USP47: variants seen among roughly 807,000 people sequenced by gnomAD.
The protein encoded by USP47 is ubiquitin specific peptidase 47.
Under a neutral mutation model 165.1 loss-of-function variants are expected in USP47, and 35 were observed. That is an observed-to-expected ratio of 0.21 (90% CI 0.16 to 0.28). USP47 has a LOEUF of 0.28. Among genes scored for constraint, USP47 ranks in the 10% least tolerant of loss-of-function variants. The pLI is 1.00. For synonymous variants in USP47, 531 were observed against 544.5 expected, an observed-to-expected ratio of 0.98 and a Z score of 0.35; for missense variants, 1,277 against 1,607.4, an observed-to-expected ratio of 0.79 and a Z score of 3.52.
chr11:11,960,403 G>A lies in USP47; in HGVS notation c.*4228G>A, dbSNP rs140244996. Among the ~76,000 whole-genome samples the A allele has an allele frequency of 1.4e-5, 2 of 145,170 alleles. No homozygotes were observed. Among genetic ancestry groups the A allele is most frequent in the Admixed American group, 6.9e-5 (1 of 14,414 alleles). On this transcript the variant is annotated 3_prime_UTR_variant, in exon 28 of 28. Transcript: ENST00000527733. ...AAGGACCCAACTCCTAACAGCATTG[G>A]TGCTCCCTCATGAAATTTGACAGTG...
intron 19 of USP47, among the ~76,000 whole-genome samples, 171 bp downstream of exon 19, chr11:11,940,719 C>T (rs1043054047): frequency 6.6e-6 from 1 of 151,948 alleles, no homozygotes; most frequent in South Asian, 2.1e-4. Context: ...GTCAGGCTCC[C>T]TTCTGTCCTG....
chr11:11,842,354 G>A (rs1848173725), intron 1 of USP47, 130 bp downstream of exon 1: 1 of 1,073,162 alleles, frequency 9.3e-7, no homozygotes, highest in Non-Finnish European at 1.3e-6. Flanking sequence ...GAGGCGTGAG[G>A]CAGTCGGGGG....
intron 1 of USP47, among the ~76,000 whole-genome samples, chr11:11,852,139 T>C (rs1848763069): frequency 6.6e-6 from 1 of 152,184 alleles, no homozygotes; most frequent in African/African-American, 2.4e-5. Flanking sequence ...GATAACCTAT[T>C]TCCCCCTAAA....
chr11:11,916,859 A>G (rs983937710), intron 8 of USP47, among the ~76,000 whole-genome samples: 2 of 151,982 alleles, frequency 1.3e-5, no homozygotes, highest in African/African-American at 4.8e-5. Context: ...ACTATTAAAG[A>G]TGAATTGAGG....
intron 1 of USP47, among the ~76,000 whole-genome samples, chr11:11,862,114 AGTAG>A (rs1564854208): frequency 6.6e-6 from 1 of 152,072 alleles, no homozygotes; most frequent in South Asian, 2.1e-4. Context: ...ACTTCACTTA[AGTAG>A]TAAAAGCCCT....
Position 11,952,722 on chromosome 11 carries a change from T to C in USP47, c.3584-19T>C. 6.4e-7 allele frequency: 1 copy of C among 1,571,838 alleles called. No individual in the cohort carries two copies. ...CTTCAGAGGAAATAGAATGATGACC[T>C]AATCTTGCATATTCTTAGGGGTAGA... On this transcript the variant is annotated intron_variant, in intron 24 of 27. Transcript: ENST00000527733.
chr11:11,880,901 G>A (rs1850784780), intron 2 of USP47, among the ~76,000 whole-genome samples: 1 of 151,890 alleles, frequency 6.6e-6, no homozygotes, highest in Admixed American at 6.6e-5. Flanking sequence ...ATTTTTCTTT[G>A]TATGAACATG....
chr11:11,893,649 C>G (rs1851680601), intron 4 of USP47, among the ~76,000 whole-genome samples: 2 of 152,178 alleles, frequency 1.3e-5, no homozygotes, highest in East Asian at 3.9e-4. Flanking sequence ...CCAGGCTAGT[C>G]TTGAGTAATC....
chr11:11,868,535 T>G (rs1233801663), intron 1 of USP47, among the ~76,000 whole-genome samples: 5 of 152,218 alleles, frequency 3.3e-5, no homozygotes, highest in African/African-American at 1.2e-4. Context: ...GTTTGACCAT[T>G]TAGTTGATGA....
intron 1 of USP47, among the ~76,000 whole-genome samples, chr11:11,856,137 C>T (rs1849025944): frequency 6.6e-6 from 1 of 152,100 alleles, no homozygotes; most frequent in Admixed American, 6.6e-5. Flanking sequence ...CAGATTGTGT[C>T]TAAAAATTCC....
intron 20 of USP47, 34 bp downstream of exon 20, chr11:11,943,146 C>A: frequency 6.4e-7 from 1 of 1,559,982 alleles, no homozygotes. Flanking sequence ...GTCCTTGAAA[C>A]AGCATCAGTT....
intron 20 of USP47, among the ~76,000 whole-genome samples, chr11:11,946,592 A>G (rs1209897244): frequency 6.6e-6 from 1 of 152,232 alleles, no homozygotes; most frequent in Admixed American, 6.5e-5. Flanking sequence ...ACTGAAATCT[A>G]GCCATAGGCT....
At chr11:11,882,433 A>G (rs747564478) in intron 2 of USP47, among the ~76,000 whole-genome samples, 5 of 152,094 alleles carry the variant, frequency 3.3e-5, no homozygotes, top group African/African-American at 7.2e-5. Context: ...TCCATAATAT[A>G]TTTGTTTTTT....
chr11:11,942,933 CAAG>C lies in USP47; in HGVS notation c.2913_2915del (p.Ser973del). On this transcript the variant is annotated inframe_deletion, in exon 20 of 28. Coordinates refer to ENST00000527733, the MANE Select transcript of USP47 (RefSeq NM_001282659.2). ...AATGGACTTGACTCTCACAGTATCA[CAAG>C]TAGTAGAAGAACGAAAGCAAATGAA... The C allele has an allele frequency of 1.9e-6, 3 of 1,613,330 alleles. No individual in the cohort carries two copies. The highest frequency in any genetic ancestry group is 2.5e-6 in the Non-Finnish European group (3 of 1,179,694).
intron 1 of USP47, among the ~76,000 whole-genome samples, chr11:11,845,937 A>G (rs566564649): frequency 6.6e-6 from 1 of 152,292 alleles, no homozygotes; most frequent in African/African-American, 2.4e-5. Flanking sequence ...AGTTTTTCTC[A>G]TCATTGAAGA....
chr11:11,868,692 G>GT (rs200755764), intron 1 of USP47, among the ~76,000 whole-genome samples: 123 of 146,516 alleles, frequency 8.4e-4, no homozygotes, highest in Middle Eastern at 3.6e-3. Context: ...TGTATATATA[G>GT]TTTTTTTTTT....
intron 10 of USP47, among the ~76,000 whole-genome samples, chr11:11,921,259 T>C: frequency 6.6e-6 from 1 of 151,704 alleles, no homozygotes; most frequent in Non-Finnish European, 1.5e-5. Flanking sequence ...TTTTGTTTTG[T>C]TTTACTGGAA....
intron 3 of USP47, among the ~76,000 whole-genome samples, chr11:11,890,580 A>G (rs1851447025): frequency 6.6e-6 from 1 of 151,990 alleles, no homozygotes; most frequent in Non-Finnish European, 1.5e-5. Flanking sequence ...AATTAGTTCA[A>G]TCATTGTGGA....
In USP47 at chr11:11,884,581, G is replaced by A; in HGVS notation, c.357+1G>A. The A allele has an allele frequency of 6.3e-7, 1 of 1,597,630 alleles. No homozygotes were observed. Among genetic ancestry groups the A allele is most frequent in the Non-Finnish European group, 8.5e-7 (1 of 1,174,084 alleles). ...TGGTGAACAACCTCAAATACTGCTGGTAAGCTACTTAGAAAGCCCCATATT... is the reference window on the plus strand; with the variant it reads ...TGGTGAACAACCTCAAATACTGCTGATAAGCTACTTAGAAAGCCCCATATT... On this transcript the variant is annotated splice_donor_variant, in intron 3 of 27. Transcript: ENST00000527733. LOFTEE classifies it high-confidence loss of function.
Sources: allele counts gnomAD v4.1 joint callset (sites outside exome capture counted in the v4.1 genomes callset), GRCh38; gene constraint gnomAD v4.1.1; transcripts MANE v1.5; gene names NCBI Gene and HGNC (gene_info 2026-07-23, HGNC 2026-07-21).